MROH2B: variants seen among roughly 807,000 people sequenced by gnomAD.
The protein encoded by MROH2B is maestro heat-like repeat-containing protein family member 2B.
In MROH2B, 177 loss-of-function variants were observed where a neutral mutation model predicts 208.6. The ratio of observed to expected loss-of-function variants is 0.85; its 90% CI spans 0.75 to 0.96. MROH2B has a LOEUF of 0.96. Ranked by LOEUF, MROH2B falls within the 40% of genes least tolerant of loss-of-function variation. The pLI is 0.00. For synonymous variants in MROH2B, 728 were observed against 659.0 expected, an observed-to-expected ratio of 1.10 and a Z score of -1.60; for missense variants, 2,002 against 1,878.7, an observed-to-expected ratio of 1.07 and a Z score of -1.21.
intron 24 of MROH2B, among the ~76,000 whole-genome samples, chr5:41,031,271 G>A (rs558189180): frequency 4.1e-4 from 63 of 152,204 alleles, no homozygotes; most frequent in African/African-American, 1.4e-3. Flanking sequence ...AGCATGTGAA[G>A]GAGGAACAGC....
At chr5:41,049,721 T>G (rs536784947) in intron 13 of MROH2B, among the ~76,000 whole-genome samples, 1 of 152,298 alleles carries the variant, frequency 6.6e-6, no homozygotes, top group South Asian at 2.1e-4. Context: ...ACTAGGGGAA[T>G]GCTAGCATCC....
intron 24 of MROH2B, among the ~76,000 whole-genome samples, chr5:41,019,995 C>T (rs1438441777): frequency 6.6e-6 from 1 of 151,996 alleles, no homozygotes; most frequent in African/African-American, 2.4e-5. Context: ...TCTTTTCCTC[C>T]CCCTTGACAA....
chr5:41,032,238 T>A (rs1169407387), intron 24 of MROH2B, among the ~76,000 whole-genome samples: 1 of 152,142 alleles, frequency 6.6e-6, no homozygotes, highest in Non-Finnish European at 1.5e-5. Flanking sequence ...TAGCAGCATC[T>A]TTGAGTTTTT....
At chr5:41,055,690 GTCTGCT>G in intron 10 of MROH2B, 46 bp downstream of exon 10, 1 of 1,386,878 alleles carries the variant, frequency 7.2e-7, no homozygotes, top group East Asian at 2.3e-5. Flanking sequence ...ATAGGCTTCA[GTCTGCT>G]TCTTGGCATG....
Position 41,052,627 on chromosome 5 carries a change from T to A in MROH2B, c.1108-40A>T, listed in dbSNP as rs752990753. The A allele has an allele frequency of 3.2e-6, 5 of 1,548,694 alleles. No individual in the cohort carries two copies. The Admixed American group carries it at 7.9e-5, about 24-fold the overall frequency. On this transcript the variant is annotated intron_variant, in intron 11 of 41. Transcript: ENST00000399564. ...ATGCAATAGCAACATTTTACTATGT[T>A]TTGCAGAAGGGAAATTTACCTTATT...
chr5:41,045,675 A>T (rs1273961112), intron 18 of MROH2B, 71 bp downstream of exon 18: 3 of 1,133,220 alleles, frequency 2.6e-6, no homozygotes, highest in Non-Finnish European at 4.0e-6. Flanking sequence ...TGATACAGAC[A>T]AGATGGAGCT....
chr5:41,018,325 C>A lies in MROH2B; in HGVS notation c.2763+16G>T. On this transcript the variant is annotated intron_variant, in intron 27 of 41. Coordinates refer to ENST00000399564, the MANE Select transcript of MROH2B (RefSeq NM_173489.5). ...TCACAAGCAATAAAGTCTATTCATT[C>A]TAGGGGATTACTTACCTCAATATCA... 1 of 1,606,484 alleles carries A rather than the reference C, an allele frequency of 6.2e-7. No homozygotes were observed. The highest frequency in any genetic ancestry group is 8.5e-7 in the Non-Finnish European group (1 of 1,175,766).
At chr5:41,008,448 G>A (rs936197910) in intron 33 of MROH2B, among the ~76,000 whole-genome samples, 158 bp downstream of exon 33, 2 of 152,108 alleles carry the variant, frequency 1.3e-5, no homozygotes, top group Non-Finnish European at 2.9e-5. Flanking sequence ...GAAGAACTAT[G>A]GTGTCACGGC....
At chr5:41,066,298 G>A (rs971439565) in intron 3 of MROH2B, among the ~76,000 whole-genome samples, 1 of 152,102 alleles carries the variant, frequency 6.6e-6, no homozygotes, top group Non-Finnish European at 1.5e-5. Context: ...AAAGGACCCA[G>A]ATAAGATATT....
chr5:41,059,763 G>A (rs1220111557), intron 6 of MROH2B, among the ~76,000 whole-genome samples: 1 of 152,088 alleles, frequency 6.6e-6, no homozygotes, highest in Non-Finnish European at 1.5e-5. Context: ...TCCATCATGA[G>A]TTCTTCTCCC....
At chr5:41,030,893 T>G (rs570170096) in intron 24 of MROH2B, among the ~76,000 whole-genome samples, 1 of 152,154 alleles carries the variant, frequency 6.6e-6, no homozygotes, top group Non-Finnish European at 1.5e-5. Context: ...TTTTATGTTT[T>G]ATTTATTTTG....
At chr5:41,056,878 G>A (rs1743470479) in intron 9 of MROH2B, among the ~76,000 whole-genome samples, 1 of 151,956 alleles carries the variant, frequency 6.6e-6, no homozygotes, top group South Asian at 2.1e-4. Context: ...TATCTCCCTG[G>A]ACCTATCCCA....
chr5:41,035,247 C>A (rs6876772), intron 21 of MROH2B, among the ~76,000 whole-genome samples: 91,737 of 151,938 alleles, frequency 0.6, 28,178 homozygotes, highest in Non-Finnish European at 0.66. Flanking sequence ...ACACATAAAC[C>A]AATAGAACAG....
At chr5:41,062,399 C>T (rs528664716) in intron 5 of MROH2B, among the ~76,000 whole-genome samples, 5 of 152,260 alleles carry the variant, frequency 3.3e-5, no homozygotes, top group African/African-American at 1.2e-4. Flanking sequence ...CTGACAATCT[C>T]CCACTTCTTG....
At position 41,042,125 on chromosome 5, in the gene MROH2B, C is replaced by T; in HGVS notation, c.1920G>A (p.Leu640=). 6.3e-7 allele frequency: 1 copy of T among 1,595,266 alleles called. No individual in the cohort carries two copies. Among genetic ancestry groups the T allele is most frequent in the Non-Finnish European group, 8.5e-7 (1 of 1,170,120 alleles). The change falls in exon 19 of 42, where the codon CTG becomes CTA. Residue 640 remains leucine (L), a synonymous_variant. Coordinates refer to ENST00000399564, the MANE Select transcript of MROH2B (RefSeq NM_173489.5). ...GATCCCCCAGTTGGTTGGGAGCAGTCAGAAACTCCTTAATCTGTGAGTTTA... is the reference window on the plus strand; with the variant it reads ...GATCCCCCAGTTGGTTGGGAGCAGTTAGAAACTCCTTAATCTGTGAGTTTA... ...DFVNSQIKEF[L]TAPNQLGDQR...
intron 24 of MROH2B, among the ~76,000 whole-genome samples, chr5:41,027,595 G>A (rs1442733034): frequency 3.3e-5 from 5 of 152,258 alleles, no homozygotes; most frequent in South Asian, 4.1e-4. Context: ...TTGGTGGGAC[G>A]TAAAGTAGTT....
At chr5:41,033,975 G>A in intron 21 of MROH2B, 111 bp from the exon 22 acceptor site, 2 of 1,463,438 alleles carry the variant, frequency 1.4e-6, no homozygotes, top group Non-Finnish European at 1.8e-6. Context: ...TAAAGCAGGA[G>A]GTAGAGCCTT....
At chr5:41,007,941 AACAGCAATT>A (rs1286714236) in intron 33 of MROH2B, among the ~76,000 whole-genome samples, 1 of 152,232 alleles carries the variant, frequency 6.6e-6, no homozygotes, top group Non-Finnish European at 1.5e-5. Flanking sequence ...TAATGGTAAA[AACAGCAATT>A]ACTTTTGCAC....
chr5:41,039,315 C>T, intron 20 of MROH2B, 133 bp downstream of exon 20: 1 of 599,050 alleles, frequency 1.7e-6, no homozygotes, highest in Non-Finnish European at 3.0e-6. Flanking sequence ...AAAGACTGGG[C>T]TTGGACAGTT....
Sources: gnomAD v4.1 joint callset for allele counts (sites outside exome capture counted in the v4.1 genomes callset) on GRCh38, gnomAD v4.1.1 for gene constraint, MANE v1.5 for transcripts, NCBI Gene and HGNC (gene_info 2026-07-23, HGNC 2026-07-21) for gene names.